Variants in CRISPLD2 observed in about 807,000 individuals in gnomAD.
The protein encoded by CRISPLD2 is cysteine rich secretory protein LCCL domain containing 2, also known as cysteine-rich secretory protein LCCL domain-containing 2.
Under a neutral mutation model 71.1 loss-of-function variants are expected in CRISPLD2, and 47 were observed. That is an observed-to-expected ratio of 0.66 (90% CI 0.52 to 0.84). The LOEUF is 0.84. CRISPLD2 is among the 40% of genes least tolerant of loss of function. The pLI is 0.00. For missense variants in CRISPLD2, 830 were observed against 651.1 expected (o/e 1.27, Z -2.99); for synonymous variants, 317 against 250.1 (o/e 1.27, Z -2.52).
intron 14 of CRISPLD2, among the ~76,000 whole-genome samples, chr16:84,903,339 G>A (rs1208938843): frequency 1.3e-5 from 2 of 152,124 alleles, no homozygotes; most frequent in Non-Finnish European, 2.9e-5. Context: ...CACTTTGGGA[G>A]GCCGAGGCAG....
chr16:84,900,927 G>A (rs1042069540), intron 14 of CRISPLD2, among the ~76,000 whole-genome samples: 9 of 151,604 alleles, frequency 5.9e-5, no homozygotes, highest in African/African-American at 1.2e-4. Context: ...GTATGCACCC[G>A]TGGTCCCAGC....
At chr16:84,846,938 G>A (rs147050097) in intron 3 of CRISPLD2, among the ~76,000 whole-genome samples, 240 of 152,316 alleles carry the variant, frequency 1.6e-3, no homozygotes, top group African/African-American at 5.3e-3. Context: ...TCCCCTCCTG[G>A]GGGCTGACGG....
intron 13 of CRISPLD2, 75 bp from the exon 14 acceptor site, chr16:84,889,155 A>G: frequency 6.2e-7 from 1 of 1,602,210 alleles, no homozygotes; most frequent in Non-Finnish European, 8.5e-7. Context: ...CCAGCAGTGA[A>G]TGATGGAGCC....
chr16:84,886,602 C>CGTTTGAGGCCAGGA (rs1334453756), intron 13 of CRISPLD2, among the ~76,000 whole-genome samples: 1 of 152,134 alleles, frequency 6.6e-6, no homozygotes, highest in Non-Finnish European at 1.5e-5. Context: ...GTGGGAGGAT[C>CGTTTGAGGCCAGGA]GTTTGAGGCC....
intron 6 of CRISPLD2, among the ~76,000 whole-genome samples, chr16:84,860,312 C>T (rs1266151321): frequency 1.3e-5 from 2 of 152,168 alleles, no homozygotes; most frequent in Non-Finnish European, 2.9e-5. Flanking sequence ...CCACCATTAT[C>T]CTACACCCTT....
At chr16:84,886,182 G>A (rs944635628) in intron 13 of CRISPLD2, among the ~76,000 whole-genome samples, 3 of 151,994 alleles carry the variant, frequency 2.0e-5, no homozygotes, top group African/African-American at 4.8e-5. Flanking sequence ...AAGCCACCGC[G>A]CCGGCCAAAT....
chr16:84,843,828 G>A (rs1916839658), intron 2 of CRISPLD2, among the ~76,000 whole-genome samples: 1 of 152,208 alleles, frequency 6.6e-6, no homozygotes, highest in Admixed American at 6.5e-5. Context: ...CTTCCTGGTT[G>A]TGTGACCTCA....
At chr16:84,822,002 C>A (rs973545729) in intron 1 of CRISPLD2, among the ~76,000 whole-genome samples, 2 of 152,216 alleles carry the variant, frequency 1.3e-5, no homozygotes, top group Non-Finnish European at 2.9e-5. Context: ...GGGGAAGGTG[C>A]CCATCTAATG....
chr16:84,843,299 A>C (rs12596874), intron 2 of CRISPLD2, among the ~76,000 whole-genome samples: 8,339 of 152,282 alleles, frequency 0.055, 528 homozygotes, highest in African/African-American at 0.15. Context: ...GCTCTGGTTC[A>C]CACCCAAACA....
chr16:84,838,543 G>C lies in CRISPLD2; in HGVS notation c.48G>C (p.Leu16=), dbSNP rs753868566. The C allele has an allele frequency of 1.9e-5, 31 of 1,614,074 alleles. No individual in the cohort carries two copies. The highest frequency in any genetic ancestry group is 2.6e-5 in the Non-Finnish European group (31 of 1,180,040). Reference sequence around the variant, plus strand: ...TCATCCCCTTGGGGCTGCTGTTCCTGGTCTGCGGATCCCAAGGCTACCTCC... The same window carrying C: ...TCATCCCCTTGGGGCTGCTGTTCCTCGTCTGCGGATCCCAAGGCTACCTCC... The part of the protein sequence containing the change: ...GGVIPLGLLF[L]VCGSQGYLLP... Residue 16 remains leucine, a synonymous_variant, in exon 2 of 15, where the codon CTG becomes CTC. Transcript: ENST00000262424.
chr16:84,897,504 T>C (rs2071716678), intron 14 of CRISPLD2, among the ~76,000 whole-genome samples: 1 of 152,152 alleles, frequency 6.6e-6, no homozygotes, highest in African/African-American at 2.4e-5. Flanking sequence ...TTTTAAGATC[T>C]TCATAGCACT....
At chr16:84,853,610 C>T (rs961237926) in intron 5 of CRISPLD2, among the ~76,000 whole-genome samples, 1 of 152,192 alleles carries the variant, frequency 6.6e-6, no homozygotes, top group Admixed American at 6.5e-5. Context: ...AGGACGGATG[C>T]CTATCAGACC....
chr16:84,848,199 C>A (rs60284268), intron 3 of CRISPLD2, among the ~76,000 whole-genome samples: 1 of 152,044 alleles, frequency 6.6e-6, no homozygotes, highest in African/African-American at 2.4e-5. Context: ...CGCAGGGAAG[C>A]GGATGAGTGG....
intron 6 of CRISPLD2, among the ~76,000 whole-genome samples, chr16:84,866,515 C>T (rs905718480): frequency 1.3e-5 from 2 of 152,198 alleles, no homozygotes; most frequent in African/African-American, 2.4e-5. Flanking sequence ...GGATTACAGG[C>T]ATGAGCCACC....
intron 6 of CRISPLD2, among the ~76,000 whole-genome samples, chr16:84,860,598 G>T (rs560154351): frequency 3.3e-5 from 5 of 152,274 alleles, no homozygotes; most frequent in Admixed American, 6.5e-5. Context: ...CCGCAGCGTG[G>T]GTCGGGGAGG....
chr16:84,880,747 C>G (rs1268607688), intron 13 of CRISPLD2, 163 bp downstream of exon 13: 3 of 531,904 alleles, frequency 5.6e-6, no homozygotes, highest in Non-Finnish European at 9.9e-6. Context: ...ACTCTGTTGC[C>G]CAGGCTGGAG....
intron 8 of CRISPLD2, among the ~76,000 whole-genome samples, chr16:84,870,108 C>G (rs1263464677): frequency 6.6e-6 from 1 of 152,150 alleles, no homozygotes; most frequent in Admixed American, 6.6e-5. Flanking sequence ...GTTCATGGTG[C>G]TTTTACAAAA....
intron 13 of CRISPLD2, among the ~76,000 whole-genome samples, chr16:84,881,126 C>G (rs551737563): frequency 1.3e-5 from 2 of 152,308 alleles, no homozygotes; most frequent in African/African-American, 4.8e-5. Flanking sequence ...AGTGCCTGGC[C>G]TTACTTAAAT....
intron 6 of CRISPLD2, among the ~76,000 whole-genome samples, chr16:84,861,385 C>T (rs142533138): frequency 1.2e-4 from 19 of 152,254 alleles, no homozygotes; most frequent in Non-Finnish European, 2.5e-4. Context: ...CAAGGTCCCA[C>T]AGTAGGCTGT....
Sources: allele counts gnomAD v4.1 joint callset (sites outside exome capture counted in the v4.1 genomes callset), GRCh38; gene constraint gnomAD v4.1.1; transcripts MANE v1.5; gene names NCBI Gene and HGNC (gene_info 2026-07-23, HGNC 2026-07-21).